Variants in WDR64 observed in about 807,000 individuals in gnomAD.
WDR64 encodes the protein WD repeat-containing protein 64.
In WDR64, 112 loss-of-function variants were observed where a neutral mutation model predicts 139.3. That is an observed-to-expected ratio of 0.80 (90% CI 0.69 to 0.94). WDR64 has a LOEUF of 0.94. WDR64 is among the 40% of genes least tolerant of loss of function. WDR64 has a pLI of 0.00. For synonymous variants in WDR64, 444 were observed against 437.7 expected, an observed-to-expected ratio of 1.01 and a Z score of -0.18; for missense variants, 1,206 against 1,293.1, an observed-to-expected ratio of 0.93 and a Z score of 1.03.
Position 241,784,956 on chromosome 1 carries a change from A to G in WDR64, c.2705+1575A>G, listed in dbSNP as rs1461021535. 2.9e-4 allele frequency among the ~76,000 whole-genome samples: 28 copies of G among 95,912 alleles called. 2 individuals are homozygous for G. The highest frequency in any genetic ancestry group is 1.2e-3 in the South Asian group (5 of 4,174). 62.9% of individuals were successfully genotyped at this position (95,912 alleles called of 152,430 possible). Reference sequence around the variant, plus strand: ...GCGACAGAGTGAGACTCTGTCTGAAAAAAAAAAAAAAAAAAAAAAAGAAAG... The same window carrying G: ...GCGACAGAGTGAGACTCTGTCTGAAGAAAAAAAAAAAAAAAAAAAAGAAAG... On this transcript the variant is annotated intron_variant, in intron 23 of 27. Transcript: ENST00000437684.
intron 10 of WDR64, among the ~76,000 whole-genome samples, 178 bp downstream of exon 10, chr1:241,723,614 T>C (rs149856967): frequency 0.01 from 1,524 of 152,228 alleles, 11 homozygotes; most frequent in Middle Eastern, 0.02. Flanking sequence ...CTATTGATTA[T>C]AGCATAAGTA....
intron 11 of WDR64, among the ~76,000 whole-genome samples, chr1:241,741,151 C>T (rs1296281376): frequency 2.6e-5 from 4 of 152,162 alleles, no homozygotes; most frequent in African/African-American, 9.7e-5. Context: ...CTGGTCATCA[C>T]CACTATTGCT....
chr1:241,661,370 A>C (rs1203745476), intron 2 of WDR64, among the ~76,000 whole-genome samples: 1 of 151,922 alleles, frequency 6.6e-6, no homozygotes, highest in Non-Finnish European at 1.5e-5. Flanking sequence ...GATATAATAA[A>C]TTAGAAGCCT....
intron 13 of WDR64, among the ~76,000 whole-genome samples, chr1:241,747,210 TG>T (rs1669795092): frequency 1.3e-5 from 2 of 152,234 alleles, no homozygotes; most frequent in Non-Finnish European, 2.9e-5. Flanking sequence ...TGTGGATTGA[TG>T]GAACATTTCT....
chr1:241,679,546 C>G lies in WDR64; in HGVS notation c.575C>G (p.Thr192Ser), dbSNP rs1356222483. The G allele has an allele frequency of 1.3e-6, 2 of 1,551,748 alleles. No homozygotes were observed. Among genetic ancestry groups the G allele is most frequent in the Admixed American group, 3.9e-5 (2 of 50,986 alleles). Residue 192 changes from threonine to serine, a missense_variant, in exon 6 of 28, where the codon ACC becomes AGC. Coordinates refer to ENST00000437684, the MANE Select transcript of WDR64 (RefSeq NM_001367482.1). The stretch of plus-strand genomic sequence containing the variant: ...CAGCTGAAACGAATCGTAGCCACAA[C>G]CGAAAGGACCATTATTGTCTGGGAT... ...LLQLKRIVAT[T>S]ERTIIVWDYK...
At chr1:241,753,980 A>G (rs1375136272) in intron 14 of WDR64, among the ~76,000 whole-genome samples, 4 of 152,264 alleles carry the variant, frequency 2.6e-5, no homozygotes, top group South Asian at 4.1e-4. Flanking sequence ...ACAGACCGTG[A>G]AAAGACCATT....
intron 14 of WDR64, among the ~76,000 whole-genome samples, chr1:241,750,513 T>C (rs994039463): frequency 6.6e-6 from 1 of 152,226 alleles, no homozygotes; most frequent in Non-Finnish European, 1.5e-5. Flanking sequence ...AATGGCACTG[T>C]AGAAAGGAAT....
At chr1:241,675,747 A>T (rs1666528643) in intron 4 of WDR64, among the ~76,000 whole-genome samples, 1 of 152,254 alleles carries the variant, frequency 6.6e-6, no homozygotes, top group African/African-American at 2.4e-5. Context: ...GAATGAGGAC[A>T]ATAAAACCTG....
chr1:241,655,143 G>T (rs1274831887), intron 1 of WDR64, among the ~76,000 whole-genome samples: 2 of 152,142 alleles, frequency 1.3e-5, no homozygotes, highest in African/African-American at 4.8e-5. Context: ...TCAGCACTTT[G>T]GGAGGCCAAG....
rs1659538975 is a variant in WDR64, at chr1:241,801,971, C to G, written c.*756C>G. ...GTTTACAAGAAACACATCTAACATA[C>G]AAGGACACCAAACTCTTAAAGATAA... is the stretch of plus-strand genomic sequence containing the variant. On this transcript the variant is annotated 3_prime_UTR_variant, in exon 28 of 28. Transcript: ENST00000437684. 1 of 397,462 alleles carries G rather than the reference C, an allele frequency of 2.5e-6. No homozygotes were observed. Among genetic ancestry groups the G allele is most frequent in the South Asian group, 1.3e-4 (1 of 7,832 alleles). The allele number at this position is 397,462 out of a possible 1,614,324, so 24.6% of individuals were successfully genotyped here.
In WDR64 at chr1:241,744,448, T is replaced by G; in HGVS notation, c.1526T>G (p.Phe509Cys). The change falls in exon 13 of 28, where the codon TTC (phenylalanine) becomes TGC (cysteine). Residue 509 changes from phenylalanine to cysteine, a missense_variant. Coordinates refer to ENST00000437684, the MANE Select transcript of WDR64 (RefSeq NM_001367482.1). ...QVYQILEPHGFNTEVTSAAVD... is the reference protein window; with the variant it reads ...QVYQILEPHGCNTEVTSAAVD... ...TACCAGATTTTAGAACCTCATGGTT[T>G]CAATACTGAAGTGACTTCTGCAGCT... The G allele has an allele frequency of 5.0e-6, 8 of 1,614,148 alleles. No homozygotes were observed. The highest frequency in any genetic ancestry group is 6.8e-6 in the Non-Finnish European group (8 of 1,180,002).
At chr1:241,699,881 T>A (rs1667643080) in intron 8 of WDR64, among the ~76,000 whole-genome samples, 1 of 152,096 alleles carries the variant, frequency 6.6e-6, no homozygotes, top group Middle Eastern at 3.2e-3. Flanking sequence ...GATTTTAACC[T>A]GAAAGCTATC....
At chr1:241,669,958 A>G (rs534995844) in intron 2 of WDR64, among the ~76,000 whole-genome samples, 1 of 152,234 alleles carries the variant, frequency 6.6e-6, no homozygotes, top group African/African-American at 2.4e-5. Flanking sequence ...CCGGGTGGCT[A>G]GTATGCACAG....
chr1:241,749,527 C>T lies in WDR64; in HGVS notation c.1595-20C>T, dbSNP rs1669898921. On this transcript the variant is annotated intron_variant, in intron 13 of 27. Coordinates refer to ENST00000437684, the MANE Select transcript of WDR64 (RefSeq NM_001367482.1). ...TCTAAGTCATTTTTACCCACATAGT[C>T]TTTTTCTCTGTATGCTCAGGAACAG... is the stretch of plus-strand genomic sequence containing the variant. 1 of 1,608,454 alleles carries T rather than the reference C, an allele frequency of 6.2e-7. No homozygotes were observed. The highest frequency in any genetic ancestry group is 1.1e-5 in the South Asian group (1 of 90,656).
Position 241,796,309 on chromosome 1 carries a change from A to C in WDR64, c.3131A>C (p.Gln1044Pro). ...CTTCCACTGATTGGCGTAGAAGCCC[A>C]AAAGGACTCTTCAGATGGCATTACA... ...RFLPLIGVEA[Q>P]KDSSDGITGK... is the part of the protein sequence containing the mutation. The change falls in exon 27 of 28, where the codon CAA (glutamine) becomes CCA (proline). Residue 1044 changes from glutamine (Q) to proline (P), a missense_variant. Transcript: ENST00000437684. 1.9e-6 allele frequency: 3 copies of C among 1,613,878 alleles called. No individual in the cohort carries two copies. In the South Asian group the frequency reaches 3.3e-5, roughly 18 times the overall value.
In WDR64 at chr1:241,723,311, A is replaced by G; in HGVS notation, c.1069A>G (p.Ile357Val). 1.2e-6 allele frequency: 2 copies of G among 1,614,004 alleles called. No homozygotes were observed. The highest frequency in any genetic ancestry group is 1.7e-6 in the Non-Finnish European group (2 of 1,179,896). The part of the protein sequence containing the change: ...VIVTGGDDKV[I>V]RLWHPNISTK... Reference sequence around the variant, plus strand: ...CTCCTTTTCAGGAGATGATAAGGTCATCCGGTTGTGGCACCCCAATATCAG... The same window carrying G: ...CTCCTTTTCAGGAGATGATAAGGTCGTCCGGTTGTGGCACCCCAATATCAG... The change falls in exon 10 of 28, where the codon ATC becomes GTC. Residue 357 changes from isoleucine to valine, a missense_variant. Physicochemically the swap from Ile to Val is conservative, Grantham distance 29. Transcript: ENST00000437684.
At chr1:241,749,481 T>C in intron 13 of WDR64, 66 bp from the exon 14 acceptor site, 1 of 1,548,130 alleles carries the variant, frequency 6.5e-7, no homozygotes, top group Non-Finnish European at 8.8e-7. Context: ...GAATTTTCTC[T>C]GAGCGAAAAG....
intron 8 of WDR64, among the ~76,000 whole-genome samples, chr1:241,688,822 C>A (rs921854718): frequency 2.6e-5 from 4 of 152,222 alleles, no homozygotes; most frequent in African/African-American, 9.6e-5. Flanking sequence ...GTCATAGGGG[C>A]CCCTATGCTT....
At chr1:241,777,714 G>A (rs1352940846) in intron 21 of WDR64, among the ~76,000 whole-genome samples, 1 of 152,030 alleles carries the variant, frequency 6.6e-6, no homozygotes, top group African/African-American at 2.4e-5. Context: ...CACCATGCTT[G>A]GCCTCACCTT....
Sources: gnomAD v4.1 joint callset for allele counts (sites outside exome capture counted in the v4.1 genomes callset) on GRCh38, gnomAD v4.1.1 for gene constraint, MANE v1.5 for transcripts, NCBI Gene and HGNC (gene_info 2026-07-23, HGNC 2026-07-21) for gene names.